Variants in SV2C observed in about 807,000 individuals in gnomAD.
The protein encoded by SV2C is solute carrier family 22 member B3.
In SV2C, 49 loss-of-function variants were observed where a neutral mutation model predicts 79.7. That is an observed-to-expected ratio of 0.61 (90% CI 0.49 to 0.78). SV2C has a LOEUF of 0.78. Ranked by LOEUF, SV2C falls within the 30% of genes least tolerant of loss-of-function variation. The probability of loss-of-function intolerance (pLI) is 0.00; values close to 1 mark genes in which losing one functional copy is unlikely to be tolerated. For missense variants in SV2C, 833 were observed against 912.9 expected (o/e 0.91, Z 1.13); for synonymous variants, 334 against 333.2 (o/e 1.00, Z -0.03).
chr5:75,921,361 T>TG, the SV2C span: 3 of 961,954 alleles, frequency 3.1e-6, no homozygotes, highest in Non-Finnish European at 5.1e-6. Context: ...TGCTGTCCTT[T>TG]GGGGGGTGCT....
At chr5:76,239,684 T>G (rs952776741) in intron 4 of SV2C, among the ~76,000 whole-genome samples, 1 of 152,168 alleles carries the variant, frequency 6.6e-6, no homozygotes, top group Non-Finnish European at 1.5e-5. Context: ...TGCTTGAGTG[T>G]CCTCACTATT....
chr5:76,006,381 A>G, the SV2C span, among the ~76,000 whole-genome samples: 1 of 152,108 alleles, frequency 6.6e-6, no homozygotes, highest in Non-Finnish European at 1.5e-5. Flanking sequence ...AAGAGGAAAA[A>G]TGGTTTTTGT....
chr5:76,034,238 A>G, the SV2C span, among the ~76,000 whole-genome samples: 1 of 151,768 alleles, frequency 6.6e-6, no homozygotes, highest in African/African-American at 2.4e-5. Context: ...AATACCCTTT[A>G]TTTCCTTCTC....
intron 4 of SV2C, among the ~76,000 whole-genome samples, chr5:76,272,647 T>C (rs1282380050): frequency 6.6e-6 from 1 of 152,222 alleles, no homozygotes; most frequent in Non-Finnish European, 1.5e-5. Context: ...TTTCGTTTCT[T>C]GCCTTAGATC....
intron 2 of SV2C, among the ~76,000 whole-genome samples, chr5:76,187,689 G>A (rs1743963704): frequency 6.6e-6 from 1 of 150,484 alleles, no homozygotes; most frequent in Non-Finnish European, 1.5e-5. Flanking sequence ...AATAGTAATT[G>A]AAAAAGTGAG....
intron 8 of SV2C, 36 bp from the exon 9 acceptor site, chr5:76,295,742 G>A (rs562922827): frequency 6.3e-7 from 1 of 1,590,304 alleles, no homozygotes; most frequent in African/African-American, 1.4e-5. Context: ...TGGCATGCTA[G>A]TGCCTTTACA....
chr5:75,875,703 A>G, the SV2C span, among the ~76,000 whole-genome samples: 1 of 152,200 alleles, frequency 6.6e-6, no homozygotes, highest in African/African-American at 2.4e-5. Context: ...TTTAGCATGT[A>G]TAATGAGCTT....
intron 2 of SV2C, among the ~76,000 whole-genome samples, chr5:76,145,877 C>T (rs948057839): frequency 6.6e-6 from 1 of 152,184 alleles, no homozygotes; most frequent in Non-Finnish European, 1.5e-5. Context: ...ATCCAATTTA[C>T]TCCTGTGGCC....
At chr5:76,346,216 C>T (rs868037451) in intron 12 of SV2C, among the ~76,000 whole-genome samples, 14 of 152,196 alleles carry the variant, frequency 9.2e-5, no homozygotes, top group Middle Eastern at 3.4e-3. Flanking sequence ...CTTAAGTGCG[C>T]ACATAATGGT....
At chr5:75,966,920 A>G in the SV2C span, among the ~76,000 whole-genome samples, 732 of 152,334 alleles carry the variant, frequency 4.8e-3, 6 homozygotes, top group African/African-American at 0.017. Context: ...GTACTTACTA[A>G]TCACATGACT....
intron 2 of SV2C, among the ~76,000 whole-genome samples, chr5:76,189,115 T>C (rs149830848): frequency 1.2e-4 from 19 of 152,208 alleles, no homozygotes; most frequent in African/African-American, 4.3e-4. Flanking sequence ...GCTAGAAGAC[T>C]GGCCTGAGAT....
At chr5:76,051,823 TTGAA>T in the SV2C span, among the ~76,000 whole-genome samples, 7 of 152,166 alleles carry the variant, frequency 4.6e-5, no homozygotes, top group Non-Finnish European at 1.5e-5. Flanking sequence ...TATGCATTCT[TTGAA>T]TGATCTCTAA....
intron 3 of SV2C, among the ~76,000 whole-genome samples, chr5:76,198,586 C>G (rs555925751): frequency 1.6e-4 from 25 of 152,290 alleles, no homozygotes; most frequent in Middle Eastern, 3.4e-3. Context: ...GACTAAGACA[C>G]CAGCTGTCTA....
At chr5:75,908,107 A>T in the SV2C span, among the ~76,000 whole-genome samples, 1 of 152,244 alleles carries the variant, frequency 6.6e-6, no homozygotes, top group Non-Finnish European at 1.5e-5. Context: ...CGTTTTTAGT[A>T]TATTCACAGA....
rs116119992 is a variant in SV2C, at chr5:76,096,173, G to A, written c.-102+12661G>A. Reference sequence around the variant, plus strand: ...CAGCACCTCATATGGCTTGGATTGAGCATTTATGTTTATATTGCACTGGTT... The same window carrying A: ...CAGCACCTCATATGGCTTGGATTGAACATTTATGTTTATATTGCACTGGTT... On this transcript the variant is annotated intron_variant, in intron 1 of 12. Coordinates refer to ENST00000502798, the MANE Select transcript of SV2C (RefSeq NM_014979.4). 7.7e-3 allele frequency among the ~76,000 whole-genome samples: 1,170 copies of A among 152,178 alleles called. 20 individuals carry two copies. Among genetic ancestry groups the A allele is most frequent in the African/African-American group, 0.027 (1,106 of 41,542 alleles).
At chr5:76,195,326 G>A in intron 3 of SV2C, among the ~76,000 whole-genome samples, 1 of 152,138 alleles carries the variant, frequency 6.6e-6, no homozygotes, top group South Asian at 2.1e-4. Flanking sequence ...ATTACTTCTA[G>A]AAGAAGAGTA....
chr5:76,299,167 T>G (rs1747891942), intron 10 of SV2C, among the ~76,000 whole-genome samples: 1 of 152,248 alleles, frequency 6.6e-6, no homozygotes, highest in Admixed American at 6.5e-5. Flanking sequence ...AAAAAAATCC[T>G]TTGATGAATA....
At chr5:76,159,408 A>G (rs1420638824) in intron 2 of SV2C, among the ~76,000 whole-genome samples, 1 of 152,108 alleles carries the variant, frequency 6.6e-6, no homozygotes, top group East Asian at 1.9e-4. Flanking sequence ...AACCATTAAA[A>G]CTAATAAACA....
chr5:76,256,511 G>C lies in SV2C; in HGVS notation c.914-28651G>C, dbSNP rs111790657. On this transcript the variant is annotated intron_variant, in intron 4 of 12. Transcript: ENST00000502798. ...AGCCGCTGTTTCTGAGAACACCCTAGAATGAAGCAACCCTTAAACGTTTTA... is the reference window on the plus strand; with the variant it reads ...AGCCGCTGTTTCTGAGAACACCCTACAATGAAGCAACCCTTAAACGTTTTA... Among the ~76,000 whole-genome samples, 80 of 152,312 alleles carry C rather than the reference G, an allele frequency of 5.3e-4. 1 individual carries two copies. Among genetic ancestry groups the C allele is most frequent in the African/African-American group, 1.9e-3 (78 of 41,568 alleles).
Sources: allele counts gnomAD v4.1 joint callset (sites outside exome capture counted in the v4.1 genomes callset), GRCh38; gene constraint gnomAD v4.1.1; transcripts MANE v1.5; gene names NCBI Gene and HGNC (gene_info 2026-07-23, HGNC 2026-07-21).